NHLRC3: variants seen among roughly 807,000 people sequenced by gnomAD.
NHLRC3 encodes NHL repeat-containing protein 3.
Under a neutral mutation model 32.0 loss-of-function variants are expected in NHLRC3, and 23 were observed. That is an observed-to-expected ratio of 0.72 (90% CI 0.52 to 1.02). The LOEUF is 1.02. NHLRC3 is among the 50% of genes least tolerant of loss of function. NHLRC3 has a pLI of 0.00. For missense variants in NHLRC3, 407 were observed against 406.8 expected (o/e 1.00, Z -0.01); for synonymous variants, 159 against 147.9 (o/e 1.08, Z -0.55).
At chr13:39,040,705 C>T (rs1423043167) in intron 3 of NHLRC3, 1 of 152,074 alleles carries the variant, frequency 6.6e-6, no homozygotes, top group African/African-American at 2.4e-5. Context: ...TTCCTTGGCC[C>T]AGTTATGTTC....
chr13:39,042,815 T>C (rs1298768100), intron 4 of NHLRC3, among the ~76,000 whole-genome samples: 1 of 152,070 alleles, frequency 6.6e-6, no homozygotes, highest in Non-Finnish European at 1.5e-5. Context: ...GAACAAGATA[T>C]CATGAAGGAA....
At position 39,039,234 on chromosome 13, in the gene NHLRC3, A is replaced by C; in HGVS notation, c.183A>C (p.Gly61=). Residue 61 remains glycine, a synonymous_variant, in exon 2 of 7, where the codon GGA becomes GGC. Coordinates refer to ENST00000379600, the MANE Select transcript of NHLRC3 (RefSeq NM_001012754.4). ...GWPKHPEYFT[G]TTFCVAVDSL... is the part of the protein sequence containing the mutation. ...CTAAGCACCCAGAATATTTTACCGG[A>C]ACAACATTTTGTGTTGCAGTTGACT... The C allele has an allele frequency of 6.2e-7, 1 of 1,614,084 alleles. No individual in the cohort carries two copies. The highest frequency in any genetic ancestry group is 2.2e-5 in the East Asian group (1 of 44,874).
In NHLRC3 at chr13:39,038,721, C is replaced by G. The variant is rs1566031866; in HGVS notation, c.82C>G (p.Pro28Ala). Residue 28 changes from proline (P) to alanine (A), a missense_variant and splice_region_variant, in exon 1 of 7, where the codon CCA becomes GCA. By Grantham distance (27) the Pro-to-Ala change is conservative. Transcript: ENST00000379600. Reference protein sequence around the residue: ...LVLHSRFCGSPVLRNFTFAVS... With the variant: ...LVLHSRFCGSAVLRNFTFAVS... The stretch of plus-strand genomic sequence containing the variant: ...TTTGCATTCGCGTTTTTGTGGCTCT[C>G]CAGTGAGTTGGGTAGTGAGGAAATG... 6.2e-7 allele frequency: 1 copy of G among 1,612,432 alleles called. No individual in the cohort carries two copies. The highest frequency in any genetic ancestry group is 8.5e-7 in the Non-Finnish European group (1 of 1,178,470).
Position 39,038,693 on chromosome 13 carries a change from G to C in NHLRC3, c.54G>C (p.Leu18Phe), listed in dbSNP as rs758452189. Residue 18 changes from leucine (L) to phenylalanine (F), a missense_variant, in exon 1 of 7, where the codon TTG (leucine) becomes TTC (phenylalanine). Transcript: ENST00000379600. ...GTGCTGGCTTCTTTCTTGCATTTTT[G>C]GTTTTGCATTCGCGTTTTTGTGGCT... Reference protein sequence around the residue: ...VAGAGFFLAFLVLHSRFCGSP... With the variant: ...VAGAGFFLAFFVLHSRFCGSP... 2.5e-6 allele frequency: 4 copies of C among 1,613,994 alleles called. No homozygotes were observed. The highest frequency in any genetic ancestry group is 2.5e-6 in the Non-Finnish European group (3 of 1,179,998).
intron 4 of NHLRC3, 146 bp downstream of exon 4, chr13:39,042,451 G>T: frequency 1.8e-6 from 1 of 567,470 alleles, no homozygotes; most frequent in Non-Finnish European, 3.1e-6. Context: ...AAACAGATGG[G>T]TATGATTGCC....
chr13:39,041,973 A>G (rs1411111927), intron 3 of NHLRC3, 132 bp from the exon 4 acceptor site: 2 of 595,606 alleles, frequency 3.4e-6, no homozygotes, highest in South Asian at 4.3e-5. Flanking sequence ...TGTCAATTAT[A>G]TGTAATTTCC....
Position 39,046,954 on chromosome 13 carries a change from A to G in NHLRC3, c.679-86A>G, listed in dbSNP as rs1871701516. On this transcript the variant is annotated intron_variant, in intron 5 of 6. Coordinates refer to ENST00000379600, the MANE Select transcript of NHLRC3 (RefSeq NM_001012754.4). ...GGAATCCTCTTAAGTGAGATAATGT[A>G]TGGTGAAACTAATGAAAATAAACAT... The G allele has an allele frequency of 1.5e-5, 13 of 872,100 alleles. No individual in the cohort carries two copies. In the South Asian group the frequency reaches 1.7e-4, roughly 11 times the overall value. The allele number at this position is 872,100 out of a possible 1,614,324, so 54.0% of individuals were successfully genotyped here. A position where few individuals can be genotyped will look rare whatever the true frequency, so the allele number is the denominator to read the frequency against.
rs1437114195 is a variant in NHLRC3, at chr13:39,049,348, G to A, written c.*1422G>A. Reference sequence around the variant, plus strand: ...GGAAGCCCTGTACTCTGTATTCCAAGGCCATTGGTAAATGTGTTGGTGCCA... The same window carrying A: ...GGAAGCCCTGTACTCTGTATTCCAAAGCCATTGGTAAATGTGTTGGTGCCA... On this transcript the variant is annotated 3_prime_UTR_variant, in exon 7 of 7. Coordinates refer to ENST00000379600, the MANE Select transcript of NHLRC3 (RefSeq NM_001012754.4). 6.6e-6 allele frequency: 1 copy of A among 152,212 alleles called. No individual in the cohort carries two copies. Among genetic ancestry groups the A allele is most frequent in the Non-Finnish European group, 1.5e-5 (1 of 68,034 alleles). 9.4% of individuals were successfully genotyped at this position (152,212 alleles called of 1,614,324 possible).
chr13:39,042,947 C>T (rs1871520115), intron 4 of NHLRC3, among the ~76,000 whole-genome samples: 1 of 152,096 alleles, frequency 6.6e-6, no homozygotes, highest in African/African-American at 2.4e-5. Context: ...TGAAGATGCA[C>T]TTTTTCAGCA....
chr13:39,039,637 T>A lies in NHLRC3; in HGVS notation c.311T>A (p.Val104Asp). The A allele has an allele frequency of 6.2e-7, 1 of 1,612,164 alleles. No homozygotes were observed. Among genetic ancestry groups the A allele is most frequent in the South Asian group, 1.1e-5 (1 of 91,050 alleles). The change falls in exon 3 of 7, where the codon GTT becomes GAT. Residue 104 changes from valine (V) to aspartate (D), a missense_variant. Transcript: ENST00000379600. ...TTCCTACGAGCCTGGAATTATACAG[T>A]TGACACACCTCATGGTATATTTGCA... ...GYFLRAWNYT[V>D]DTPHGIFAAS...
At chr13:39,044,533 G>C (rs570346133) in intron 5 of NHLRC3, 11 of 204,216 alleles carry the variant, frequency 5.4e-5, no homozygotes, top group African/African-American at 2.5e-4. Flanking sequence ...CCTCTTACTG[G>C]GAAAACTCCA....
At chr13:39,041,915 T>C in intron 3 of NHLRC3, 190 bp from the exon 4 acceptor site, 1 of 531,940 alleles carries the variant, frequency 1.9e-6, no homozygotes, top group Non-Finnish European at 3.3e-6. Flanking sequence ...ATGGAGATTT[T>C]AATTCGTGAT....
At chr13:39,038,365 G>A (rs1871276073), upstream of NHLRC3, 1 of 505,740 alleles carries the variant, frequency 2.0e-6, no homozygotes, top group Non-Finnish European at 3.6e-6. Flanking sequence ...GGGCGGGAAA[G>A]GGTGGTCACT....
At chr13:39,044,318 G>T in intron 5 of NHLRC3, 137 bp downstream of exon 5, 1 of 682,200 alleles carries the variant, frequency 1.5e-6, no homozygotes, top group Non-Finnish European at 2.6e-6. Context: ...TGGGCATGTG[G>T]ATACATGTGT....
chr13:39,040,020 CAAA>C lies in NHLRC3; in HGVS notation c.385+325_385+327del, dbSNP rs67484587. On this transcript the variant is annotated intron_variant, in intron 3 of 6. Coordinates refer to ENST00000379600, the MANE Select transcript of NHLRC3 (RefSeq NM_001012754.4). The stretch of plus-strand genomic sequence containing the variant: ...GAAACCCCCGTCTCCACTAAAAATA[CAAA>C]AAAAAAAAAAAAAAATCAGCCAGGC... 1.9e-3 allele frequency: 202 copies of C among 106,256 alleles called. 6 individuals carry two copies. The South Asian group carries it at 0.038, about 20-fold the overall frequency. The allele number at this position is 106,256 out of a possible 1,614,324, so 6.6% of individuals were successfully genotyped here.
At position 39,042,317 on chromosome 13, in the gene NHLRC3, G is replaced by T; in HGVS notation, c.586+12G>T. 1.4e-6 allele frequency: 2 copies of T among 1,408,420 alleles called. No individual in the cohort carries two copies. The highest frequency in any genetic ancestry group is 3.6e-5 in the Admixed American group (2 of 54,912). 87.2% of individuals were successfully genotyped at this position (1,408,420 alleles called of 1,614,324 possible). A position where few individuals can be genotyped will look rare whatever the true frequency, so the allele number is the denominator to read the frequency against. On this transcript the variant is annotated intron_variant, in intron 4 of 6. Transcript: ENST00000379600. ...CAAACTGTCCCAAGGTACATTACTT[G>T]TTTATGGTATTATAAAAATATTATA...
intron 6 of NHLRC3, 99 bp from the exon 7 acceptor site, chr13:39,047,575 C>T (rs7994530): frequency 0.12 from 98,854 of 822,008 alleles, 6,921 homozygotes; most frequent in African/African-American, 0.25. Flanking sequence ...CAAGTAGGTG[C>T]CTACTGTTGT....
Position 39,039,157 on chromosome 13 carries a change from G to T in NHLRC3, c.106G>T (p.Ala36Ser). The change falls in exon 2 of 7, where the codon GCA becomes TCA. Residue 36 changes from alanine to serine, a missense_variant. By Grantham distance (99) the Ala-to-Ser change is moderately conservative. Coordinates refer to ENST00000379600, the MANE Select transcript of NHLRC3 (RefSeq NM_001012754.4). ...TAAGGTTTTGAGGAACTTTACTTTT[G>T]CAGTTTCCTGGAGAACTGAGAAAAT... is the stretch of plus-strand genomic sequence containing the variant. The part of the protein sequence containing the change: ...GSPVLRNFTF[A>S]VSWRTEKILY... The T allele has an allele frequency of 6.9e-7, 1 of 1,456,542 alleles. No homozygotes were observed. The highest frequency in any genetic ancestry group is 1.6e-5 in the African/African-American group (1 of 64,284). The allele number at this position is 1,456,542 out of a possible 1,614,324, so 90.2% of individuals were successfully genotyped here.
At chr13:39,047,016 T>C in intron 5 of NHLRC3, 24 bp from the exon 6 acceptor site, 6 of 1,384,194 alleles carry the variant, frequency 4.3e-6, no homozygotes, top group Non-Finnish European at 6.2e-6. Flanking sequence ...TATTTTTCAA[T>C]TGACATTTTT....
Sources: allele counts gnomAD v4.1 joint callset (sites outside exome capture counted in the v4.1 genomes callset), GRCh38; gene constraint gnomAD v4.1.1; transcripts MANE v1.5; gene names NCBI Gene and HGNC (gene_info 2026-07-23, HGNC 2026-07-21).